The following PDE1A variants were observed in gnomAD, a reference collection of about 807,000 sequenced individuals.
PDE1A encodes the protein dual specificity calcium/calmodulin-dependent 3',5'-cyclic nucleotide phosphodiesterase 1A.
Under a neutral mutation model 61.7 loss-of-function variants are expected in PDE1A, and 35 were observed. The observed-to-expected ratio is 0.57, with a 90% CI of 0.43 to 0.75. The LOEUF is 0.75. Among genes scored for constraint, PDE1A ranks in the 30% least tolerant of loss-of-function variants. PDE1A has a pLI of 0.00. For synonymous variants in PDE1A, 232 were observed against 213.2 expected, an observed-to-expected ratio of 1.09 and a Z score of -0.77; for missense variants, 597 against 630.6, an observed-to-expected ratio of 0.95 and a Z score of 0.57.
At chr2:182,184,520 C>T (rs1393048136) in intron 13 of PDE1A, among the ~76,000 whole-genome samples, 1 of 152,020 alleles carries the variant, frequency 6.6e-6, no homozygotes, top group Non-Finnish European at 1.5e-5. Context: ...CAGACATTCC[C>T]AGATAAAGAA....
chr2:182,176,685 C>G (rs1692826144), intron 13 of PDE1A, among the ~76,000 whole-genome samples: 1 of 139,382 alleles, frequency 7.2e-6, no homozygotes, highest in African/African-American at 2.7e-5. Context: ...ATTTCCTTCT[C>G]CTGCCTAATT....
intron 8 of PDE1A, among the ~76,000 whole-genome samples, chr2:182,204,728 T>C (rs891122055): frequency 6.6e-6 from 1 of 152,222 alleles, no homozygotes; most frequent in African/African-American, 2.4e-5. Context: ...GGGCTATTAG[T>C]AGTTAAGTTT....
At position 182,149,483 on chromosome 2, in the gene PDE1A, A is replaced by G. The variant is rs73040182; in HGVS notation, c.1517-2331T>C. Among the ~76,000 whole-genome samples, 1,139 of 152,314 alleles carry G rather than the reference A, an allele frequency of 7.5e-3. 13 individuals carry two copies. The highest frequency in any genetic ancestry group is 0.025 in the African/African-American group (1,036 of 41,570). On this transcript the variant is annotated intron_variant, in intron 13 of 13. Coordinates refer to the PDE1A transcript ENST00000409365. ...GATAAGAGTTTCGTAGCACTGAAAA[A>G]GGGTCTTCCTTGAAAACTAAAATTC...
rs187098217 is a variant in PDE1A at position 182,326,531 on chromosome 2, A to T, written c.54-62117T>A. The stretch of plus-strand genomic sequence containing the variant: ...AGGTTCCTAGAATAGTCAAATTCAC[A>T]GAAACAGAAAATAGAACAGTTGTTC... On this transcript the variant is annotated intron_variant, in intron 1 of 13. Transcript: ENST00000351439. 3.3e-5 allele frequency among the ~76,000 whole-genome samples: 5 copies of T among 152,330 alleles called. No homozygotes were observed. The East Asian group carries it at 7.7e-4, about 24-fold the overall frequency.
the PDE1A span, among the ~76,000 whole-genome samples, chr2:182,668,359 G>A: frequency 6.6e-6 from 1 of 152,226 alleles, no homozygotes; most frequent in East Asian, 1.9e-4. Context: ...GGCACTTACA[G>A]ATGAGTGTTA....
At chr2:182,678,610 A>G in the PDE1A span, among the ~76,000 whole-genome samples, 97,039 of 152,020 alleles carry the variant, frequency 0.64, 31,492 homozygotes, top group Middle Eastern at 0.78. Context: ...TTATTTAGGT[A>G]GCAGAATATA....
At position 182,173,983 on chromosome 2, in the gene PDE1A, T is replaced by C. The variant is rs184210184; in HGVS notation, c.1517-5693A>G. On this transcript the variant is annotated intron_variant, in intron 13 of 13. Coordinates refer to ENST00000351439, the Ensembl canonical transcript of PDE1A. ...TTTTACTTTCTCTAAGCAACAGATA[T>C]GGAAGAGTGAGGCCCACTGGTGAGT... is the stretch of plus-strand genomic sequence containing the variant. Among the ~76,000 whole-genome samples, 720 of 144,428 alleles carry C rather than the reference T, an allele frequency of 5.0e-3. 2 individuals are homozygous for C. The highest frequency in any genetic ancestry group is 0.018 in the African/African-American group (685 of 39,030). The allele number at this position is 144,428 out of a possible 152,430, so 94.8% of individuals were successfully genotyped here.
At chr2:182,455,926 G>GAA (rs5836836) in intron 2 of PDE1A, among the ~76,000 whole-genome samples, 93 of 148,746 alleles carry the variant, frequency 6.3e-4, no homozygotes, top group Admixed American at 1.9e-3. Context: ...CAGGTTAAGA[G>GAA]AAAAAAAAAA....
At chr2:182,659,411 T>C in the PDE1A span, among the ~76,000 whole-genome samples, 1 of 152,100 alleles carries the variant, frequency 6.6e-6, no homozygotes, top group South Asian at 2.1e-4. Context: ...ATGCCAAACA[T>C]AAATGATAGG....
chr2:182,568,561 A>T, the PDE1A span, among the ~76,000 whole-genome samples: 2 of 151,938 alleles, frequency 1.3e-5, no homozygotes, highest in Admixed American at 1.3e-4. Flanking sequence ...AGCTACTCGG[A>T]AGGCTGAGGC....
chr2:182,148,902 A>G (rs1464170292), intron 13 of PDE1A, among the ~76,000 whole-genome samples: 2 of 151,860 alleles, frequency 1.3e-5, no homozygotes, highest in Non-Finnish European at 2.9e-5. Context: ...TAAAGAAATC[A>G]TCTTCATAAA....
chr2:182,315,706 T>C (rs1282921409), intron 1 of PDE1A, among the ~76,000 whole-genome samples: 1 of 152,186 alleles, frequency 6.6e-6, no homozygotes, highest in East Asian at 1.9e-4. Flanking sequence ...AGGGACTTTC[T>C]GGGACACTGG....
chr2:182,695,530 G>C, the PDE1A span, among the ~76,000 whole-genome samples: 117 of 151,970 alleles, frequency 7.7e-4, 1 homozygote, highest in African/African-American at 2.7e-3. Flanking sequence ...AGCTGGGCGC[G>C]GTGGCTGGCG....
chr2:182,577,992 G>GGAAGGAAGGAA, the PDE1A span, among the ~76,000 whole-genome samples: 1 of 148,220 alleles, frequency 6.7e-6, no homozygotes, highest in African/African-American at 2.5e-5. Flanking sequence ...AAGGAAGGAA[G>GGAAGGAAGGAA]GGACGGAGGG....
chr2:182,376,565 T>C lies in PDE1A; in HGVS notation c.53+50013A>G, dbSNP rs979055219. 5.9e-5 allele frequency among the ~76,000 whole-genome samples: 9 copies of C among 152,322 alleles called. No individual in the cohort carries two copies. The East Asian group carries it at 1.5e-3, about 26-fold the overall frequency. On this transcript the variant is annotated intron_variant, in intron 1 of 13. Transcript: ENST00000351439. ...CAAGTCTCTGGGGACTTCCAAACTT[T>C]CCCACATTTTCTTATCTTCTTCTGA...
At chr2:182,356,123 T>C (rs1406427153) in intron 1 of PDE1A, among the ~76,000 whole-genome samples, 1 of 152,166 alleles carries the variant, frequency 6.6e-6, no homozygotes, top group Non-Finnish European at 1.5e-5. Flanking sequence ...TGAAAAGATG[T>C]TTTGCAATGT....
rs1166985322 is a variant in PDE1A at position 182,186,144 on chromosome 2, G to A, written c.1329-65C>T. ...GATATGGGGTGAACAAGGAAAACCT[G>A]AAAAACTTTACAAAACCGACTAGAA... On this transcript the variant is annotated intron_variant, in intron 12 of 13. Transcript: ENST00000351439. 13 of 1,545,082 alleles carry A rather than the reference G, an allele frequency of 8.4e-6. No individual in the cohort carries two copies. In the East Asian group the frequency reaches 2.9e-4, roughly 35 times the overall value.
chr2:182,540,386 GCA>G, the PDE1A span, among the ~76,000 whole-genome samples: 3 of 33,716 alleles, frequency 8.9e-5, no homozygotes, highest in African/African-American at 2.0e-4. Context: ...AAAAAAAAAA[GCA>G]GCAGCAGCAG....
chr2:182,414,451 T>A (rs879006393), intron 1 of PDE1A, among the ~76,000 whole-genome samples: 2 of 152,068 alleles, frequency 1.3e-5, no homozygotes, highest in Admixed American at 1.3e-4. Flanking sequence ...AACTCACAGA[T>A]CTAAGGTGAC....
Sources: gnomAD v4.1 joint callset for allele counts (sites outside exome capture counted in the v4.1 genomes callset) on GRCh38, gnomAD v4.1.1 for gene constraint, MANE v1.5 for transcripts, NCBI Gene and HGNC (gene_info 2026-07-23, HGNC 2026-07-21) for gene names.